PTPRD: variants seen among roughly 807,000 people sequenced by gnomAD.
PTPRD encodes receptor-type tyrosine-protein phosphatase delta.
Under a neutral mutation model 214.5 loss-of-function variants are expected in PTPRD, and 34 were observed. The observed-to-expected ratio is 0.16, with a 90% CI of 0.12 to 0.21. The LOEUF (loss-of-function observed/expected upper bound fraction) is 0.21, where lower values mean the gene tolerates loss of function less well. Among genes scored for constraint, PTPRD ranks in the 10% least tolerant of loss-of-function variants. PTPRD has a pLI of 1.00. For synonymous variants in PTPRD, 1,128 were observed against 845.7 expected, an observed-to-expected ratio of 1.33 and a Z score of -5.79; for missense variants, 2,545 against 2,398.7, an observed-to-expected ratio of 1.06 and a Z score of -1.27.
chr9:10,564,387 A>G (rs2065011875), intron 2 of PTPRD, among the ~76,000 whole-genome samples: 1 of 150,012 alleles, frequency 6.7e-6, no homozygotes, highest in Admixed American at 6.7e-5. Context: ...TTCGTAACTG[A>G]CTTCTTTTAA....
chr9:10,603,603 T>C (rs1030922358), intron 2 of PTPRD, among the ~76,000 whole-genome samples: 2 of 151,934 alleles, frequency 1.3e-5, no homozygotes, highest in African/African-American at 4.8e-5. Flanking sequence ...AAATCAAAGA[T>C]AATGATTGTA....
At chr9:10,336,999 A>T (rs1229049490) in intron 3 of PTPRD, among the ~76,000 whole-genome samples, 1 of 151,466 alleles carries the variant, frequency 6.6e-6, no homozygotes, top group African/African-American at 2.4e-5. Context: ...CCATCTGACA[A>T]ACTAGACAAG....
intron 9 of PTPRD, among the ~76,000 whole-genome samples, chr9:9,221,320 C>G (rs1384890313): frequency 6.6e-6 from 1 of 152,114 alleles, no homozygotes; most frequent in African/African-American, 2.4e-5. Flanking sequence ...TCTGGTTACA[C>G]TGGCTTCCTA....
chr9:10,354,014 C>A (rs1404277646), intron 2 of PTPRD, among the ~76,000 whole-genome samples: 2 of 152,016 alleles, frequency 1.3e-5, no homozygotes, highest in East Asian at 3.9e-4. Flanking sequence ...TCCATGCACT[C>A]AAAACCTAGT....
chr9:8,477,146 T>G (rs2096781788), intron 30 of PTPRD, among the ~76,000 whole-genome samples: 1 of 152,156 alleles, frequency 6.6e-6, no homozygotes, highest in African/African-American at 2.4e-5. Context: ...AAATTGCTTT[T>G]GGAGCTAGCT....
chr9:9,342,958 C>G (rs1256506462), intron 9 of PTPRD, among the ~76,000 whole-genome samples: 1 of 152,084 alleles, frequency 6.6e-6, no homozygotes, highest in Non-Finnish European at 1.5e-5. Context: ...GTTCAACTCC[C>G]ACTTATGAGT....
chr9:10,247,398 A>T (rs911671157), intron 3 of PTPRD, among the ~76,000 whole-genome samples: 1 of 152,226 alleles, frequency 6.6e-6, no homozygotes. Context: ...AATTACGTAA[A>T]AAATTAATCC....
At chr9:9,503,351 T>A (rs1173899384) in intron 8 of PTPRD, among the ~76,000 whole-genome samples, 2 of 151,652 alleles carry the variant, frequency 1.3e-5, no homozygotes, top group East Asian at 3.9e-4. Context: ...ATGAGATGTG[T>A]GGGTTATGCT....
In PTPRD at chr9:9,641,823, A is replaced by T. The variant is rs555075061; in HGVS notation, c.-286-67042T>A. Reference sequence around the variant, plus strand: ...CCAAACCACCGTGATTTAGCAGGAGACAAGATGAGGGTAATCACCCTAGCA... The same window carrying T: ...CCAAACCACCGTGATTTAGCAGGAGTCAAGATGAGGGTAATCACCCTAGCA... On this transcript the variant is annotated intron_variant, in intron 7 of 45. Transcript: ENST00000381196. Among the ~76,000 whole-genome samples, 154 of 152,138 alleles carry T rather than the reference A, an allele frequency of 1.0e-3. 3 individuals are homozygous for T. The highest frequency in any genetic ancestry group is 3.5e-4 in the Non-Finnish European group (24 of 68,014).
intron 3 of PTPRD, among the ~76,000 whole-genome samples, chr9:10,161,101 C>G (rs1006300853): frequency 2.0e-5 from 3 of 151,800 alleles, no homozygotes; most frequent in African/African-American, 7.2e-5. Flanking sequence ...ATTTCATGTT[C>G]ATGAACTTGA....
chr9:9,503,259 G>A (rs1263093134), intron 8 of PTPRD, among the ~76,000 whole-genome samples: 1 of 147,752 alleles, frequency 6.8e-6, no homozygotes, highest in Non-Finnish European at 1.5e-5. Context: ...GCTATTTTCA[G>A]TTCTGGTACC....
At chr9:8,814,324 G>C (rs10815955) in intron 11 of PTPRD, among the ~76,000 whole-genome samples, 20,903 of 152,072 alleles carry the variant, frequency 0.14, 1,659 homozygotes, top group East Asian at 0.25. Flanking sequence ...CAGAATGCGT[G>C]AGGGCAGACG....
chr9:9,676,942 T>G (rs2096943592), intron 7 of PTPRD, among the ~76,000 whole-genome samples: 1 of 152,208 alleles, frequency 6.6e-6, no homozygotes, highest in African/African-American at 2.4e-5. Flanking sequence ...AAGTGTCTGT[T>G]CATATCCTTC....
At chr9:10,029,232 T>C (rs554831978) in intron 4 of PTPRD, among the ~76,000 whole-genome samples, 4 of 152,144 alleles carry the variant, frequency 2.6e-5, no homozygotes, top group Admixed American at 6.5e-5. Context: ...GGTGGGGTGC[T>C]CATGGAGAAC....
At chr9:9,858,368 T>C (rs1290755841) in intron 5 of PTPRD, among the ~76,000 whole-genome samples, 5 of 152,198 alleles carry the variant, frequency 3.3e-5, no homozygotes, top group Admixed American at 3.3e-4. Flanking sequence ...ATAGTGCCTG[T>C]GACTTCAAAC....
chr9:9,532,940 T>C (rs2075795726), intron 8 of PTPRD, among the ~76,000 whole-genome samples: 1 of 152,192 alleles, frequency 6.6e-6, no homozygotes, highest in African/African-American at 2.4e-5. Flanking sequence ...TTTTACCACA[T>C]TCATTCCTTC....
intron 2 of PTPRD, among the ~76,000 whole-genome samples, chr9:10,560,163 G>A (rs1240933509): frequency 6.6e-6 from 1 of 152,084 alleles, no homozygotes; most frequent in Non-Finnish European, 1.5e-5. Flanking sequence ...CAACCCAAAT[G>A]TCCATCAATG....
chr9:10,544,966 G>T lies in PTPRD; in HGVS notation c.-600+67432C>A, dbSNP rs181783189. Among the ~76,000 whole-genome samples, 238 of 152,132 alleles carry T rather than the reference G, an allele frequency of 1.6e-3. 1 individual carries two copies. The highest frequency in any genetic ancestry group is 5.6e-3 in the African/African-American group (234 of 41,518). ...CATAAATAAAATGTAATTTTTTTCT[G>T]GTTCAGGAAATGGTCGCATCTCTCT... On this transcript the variant is annotated intron_variant, in intron 2 of 45. Transcript: ENST00000381196.
At chr9:9,914,161 G>A (rs1186157568) in intron 5 of PTPRD, among the ~76,000 whole-genome samples, 2 of 152,118 alleles carry the variant, frequency 1.3e-5, no homozygotes, top group Admixed American at 6.6e-5. Flanking sequence ...AGAGAACTCC[G>A]AGGTTCTGAG....
Sources: gnomAD v4.1 joint callset for allele counts (sites outside exome capture counted in the v4.1 genomes callset) on GRCh38, gnomAD v4.1.1 for gene constraint, MANE v1.5 for transcripts, NCBI Gene and HGNC (gene_info 2026-07-23, HGNC 2026-07-21) for gene names.